Variants in SORCS2 observed in about 807,000 individuals in gnomAD.
The protein encoded by SORCS2 is VPS10 domain-containing receptor SorCS2.
A neutral mutation model predicts 141.6 loss-of-function variants in SORCS2; 100 were observed. That is an observed-to-expected ratio of 0.71 (90% CI 0.60 to 0.83). The LOEUF (loss-of-function observed/expected upper bound fraction) is 0.83, where lower values mean the gene tolerates loss of function less well. Among genes scored for constraint, SORCS2 ranks in the 40% least tolerant of loss-of-function variants. The pLI is 0.00. For synonymous variants in SORCS2, 789 were observed against 676.9 expected (o/e 1.17, Z -2.57); for missense variants, 1,646 against 1,560.2 (o/e 1.05, Z -0.93).
chr4:7,720,479 G>T (rs547692178), intron 18 of SORCS2, among the ~76,000 whole-genome samples: 1 of 152,304 alleles, frequency 6.6e-6, no homozygotes, highest in Admixed American at 6.5e-5. Context: ...CACACTGAAA[G>T]CCAGTCAAAA....
rs570248917 is a variant in SORCS2 at position 7,212,534 on chromosome 4, G to T, written c.480+19408G>T. 4.8e-4 allele frequency among the ~76,000 whole-genome samples: 73 copies of T among 152,342 alleles called. No individual in the cohort carries two copies. The South Asian group carries it at 7.9e-3, about 16-fold the overall frequency. On this transcript the variant is annotated intron_variant, in intron 1 of 26. Transcript: ENST00000507866. ...AGGCACCAGGCTTGGTTCCTTGTCTGTCTCCATCTCTGGGTTCTGTTTTCA... is the reference window on the plus strand; with the variant it reads ...AGGCACCAGGCTTGGTTCCTTGTCTTTCTCCATCTCTGGGTTCTGTTTTCA...
intron 3 of SORCS2, among the ~76,000 whole-genome samples, chr4:7,624,607 C>T (rs1423387747): frequency 6.6e-6 from 1 of 152,250 alleles, no homozygotes. Flanking sequence ...AGGCCTAACA[C>T]AAAGCTACTG....
intron 3 of SORCS2, among the ~76,000 whole-genome samples, chr4:7,534,647 G>T (rs1477905189): frequency 6.6e-6 from 1 of 152,180 alleles, no homozygotes; most frequent in African/African-American, 2.4e-5. Context: ...CCTGCAGGGG[G>T]AGCTGGGAGA....
intron 17 of SORCS2, among the ~76,000 whole-genome samples, chr4:7,716,188 CAG>C (rs1358999689): frequency 1.3e-5 from 2 of 152,192 alleles, no homozygotes; most frequent in African/African-American, 2.4e-5. Context: ...GGACATTTTT[CAG>C]AGAGGAAGAG....
chr4:7,677,564 C>A (rs895191733), intron 9 of SORCS2, among the ~76,000 whole-genome samples: 6 of 151,610 alleles, frequency 4.0e-5, no homozygotes, highest in African/African-American at 1.5e-4. Context: ...GGGACACCCC[C>A]CAGTGGCCCA....
intron 4 of SORCS2, among the ~76,000 whole-genome samples, chr4:7,649,871 G>C (rs369440087): frequency 6.6e-6 from 1 of 152,176 alleles, no homozygotes; most frequent in South Asian, 2.1e-4. Context: ...TTCGTCATAA[G>C]GTGGTGCCCG....
chr4:7,526,269 C>T (rs1267758730), intron 2 of SORCS2, among the ~76,000 whole-genome samples: 1 of 152,270 alleles, frequency 6.6e-6, no homozygotes, highest in African/African-American at 2.4e-5. Flanking sequence ...GTTGTCCAGA[C>T]CGGCGTGTCC....
At chr4:7,570,275 C>A (rs1172241736) in intron 3 of SORCS2, among the ~76,000 whole-genome samples, 2 of 152,176 alleles carry the variant, frequency 1.3e-5, no homozygotes, top group Non-Finnish European at 2.9e-5. Flanking sequence ...CAGGCACAGG[C>A]AGGCCGCTGA....
At chr4:7,296,166 G>A (rs1013861732) in intron 1 of SORCS2, among the ~76,000 whole-genome samples, 1 of 152,232 alleles carries the variant, frequency 6.6e-6, no homozygotes, top group African/African-American at 2.4e-5. Context: ...TGTTTCTGTG[G>A]CTCCTTGGGG....
intron 2 of SORCS2, among the ~76,000 whole-genome samples, chr4:7,486,106 C>G (rs1730964285): frequency 6.6e-6 from 1 of 152,180 alleles, no homozygotes; most frequent in African/African-American, 2.4e-5. Context: ...GTCCCTTTGT[C>G]TCTGTTGGTT....
At chr4:7,367,878 G>A (rs1721999076) in intron 1 of SORCS2, among the ~76,000 whole-genome samples, 1 of 152,208 alleles carries the variant, frequency 6.6e-6, no homozygotes, top group Admixed American at 6.5e-5. Flanking sequence ...CAGCTCAGGA[G>A]CACAGGCGGA....
intron 1 of SORCS2, among the ~76,000 whole-genome samples, chr4:7,282,057 G>A (rs904155372): frequency 5.9e-5 from 9 of 152,156 alleles, no homozygotes; most frequent in South Asian, 4.1e-4. Flanking sequence ...GGCCCCCACC[G>A]CACTCCAGAC....
At chr4:7,202,949 C>T (rs769110303) in intron 1 of SORCS2, among the ~76,000 whole-genome samples, 2 of 151,906 alleles carry the variant, frequency 1.3e-5, no homozygotes, top group African/African-American at 2.4e-5. Context: ...GCGTCAGGCA[C>T]GTCATGCCCA....
At chr4:7,518,589 A>G (rs576270047) in intron 2 of SORCS2, among the ~76,000 whole-genome samples, 73 of 152,170 alleles carry the variant, frequency 4.8e-4, no homozygotes, top group Non-Finnish European at 8.1e-4. Context: ...CATCCTCCCA[A>G]ATAGGTTGGT....
intron 2 of SORCS2, among the ~76,000 whole-genome samples, chr4:7,512,093 A>G (rs75354308): frequency 0.035 from 5,301 of 152,202 alleles, 289 homozygotes; most frequent in African/African-American, 0.12. Context: ...GAATCAACCT[A>G]GTTAACAGGT....
At chr4:7,221,107 C>G (rs182780063) in intron 1 of SORCS2, among the ~76,000 whole-genome samples, 1 of 152,308 alleles carries the variant, frequency 6.6e-6, no homozygotes, top group East Asian at 1.9e-4. Context: ...TGACTTTGCC[C>G]TTCATACTCA....
At chr4:7,712,950 G>A in intron 15 of SORCS2, 97 bp downstream of exon 15, 2 of 1,499,774 alleles carry the variant, frequency 1.3e-6, no homozygotes, top group South Asian at 1.2e-5. Context: ...AGGCCGCAGG[G>A]CACCTCCCCG....
intron 2 of SORCS2, among the ~76,000 whole-genome samples, chr4:7,521,432 G>A (rs1294861622): frequency 6.6e-5 from 10 of 152,096 alleles, no homozygotes; most frequent in South Asian, 2.1e-4. Flanking sequence ...AATCTGGAGC[G>A]CCTTCTGGAA....
intron 1 of SORCS2, among the ~76,000 whole-genome samples, chr4:7,371,741 C>T (rs1207832686): frequency 6.6e-6 from 1 of 152,178 alleles, no homozygotes; most frequent in Admixed American, 6.5e-5. Flanking sequence ...CACGTGGAGG[C>T]GGGTGTGTGT....
Sources: allele counts gnomAD v4.1 joint callset (sites outside exome capture counted in the v4.1 genomes callset), GRCh38; gene constraint gnomAD v4.1.1; transcripts MANE v1.5; gene names NCBI Gene and HGNC (gene_info 2026-07-23, HGNC 2026-07-21).